The following BCAS4 variants were observed in gnomAD, a reference collection of about 807,000 sequenced individuals.
The protein encoded by BCAS4 is breast carcinoma amplified sequence 4, also known as breast carcinoma-amplified sequence 4.
A neutral mutation model predicts 15.7 loss-of-function variants in BCAS4; 9 were observed. That is an observed-to-expected ratio of 0.57 (90% CI 0.34 to 1.00). The LOEUF (loss-of-function observed/expected upper bound fraction) is 1.00, where lower values mean the gene tolerates loss of function less well. Among genes scored for constraint, BCAS4 ranks in the 50% least tolerant of loss-of-function variants. The pLI is 0.02. For synonymous variants in BCAS4, 101 were observed against 99.5 expected (o/e 1.02, Z -0.09); for missense variants, 225 against 239.1 (o/e 0.94, Z 0.39).
intron 1 of BCAS4, 115 bp from the exon 2 acceptor site, chr20:50,818,096 G>C (rs2088162635): frequency 1.1e-6 from 1 of 937,808 alleles, no homozygotes; most frequent in South Asian, 1.5e-5. Flanking sequence ...GGGTCGAGCA[G>C]GAACCGGGCA....
intron 4 of BCAS4, among the ~76,000 whole-genome samples, chr20:50,870,907 G>A (rs1297371870): frequency 6.6e-6 from 1 of 152,172 alleles, no homozygotes; most frequent in African/African-American, 2.4e-5. Flanking sequence ...GGTGGGCTGC[G>A]GAGGAGCTCA....
chr20:50,855,748 G>A (rs1183053567), intron 4 of BCAS4, among the ~76,000 whole-genome samples: 11 of 152,182 alleles, frequency 7.2e-5, no homozygotes, highest in African/African-American at 2.2e-4. Flanking sequence ...CCCCAGGGAC[G>A]CTTTTGACTG....
chr20:50,834,948 T>C (rs751575049), intron 3 of BCAS4, among the ~76,000 whole-genome samples: 1 of 152,240 alleles, frequency 6.6e-6, no homozygotes, highest in East Asian at 1.9e-4. Flanking sequence ...CATTTGTCCA[T>C]GCATTAGCTG....
intron 1 of BCAS4, among the ~76,000 whole-genome samples, chr20:50,815,988 A>G (rs1341822562): frequency 6.6e-6 from 1 of 152,184 alleles, no homozygotes; most frequent in Non-Finnish European, 1.5e-5. Flanking sequence ...TAGAAGTCAT[A>G]AAAGTAGTAG....
At chr20:50,860,202 A>G (rs1978996735) in intron 4 of BCAS4, among the ~76,000 whole-genome samples, 1 of 152,174 alleles carries the variant, frequency 6.6e-6, no homozygotes, top group Non-Finnish European at 1.5e-5. Flanking sequence ...CTTCAAAACC[A>G]TAGCACAATA....
At chr20:50,799,980 G>A (rs1021896283) in intron 1 of BCAS4, among the ~76,000 whole-genome samples, 1 of 152,162 alleles carries the variant, frequency 6.6e-6, no homozygotes, top group African/African-American at 2.4e-5. Flanking sequence ...TCTGGGAGGT[G>A]GAGGTTGCAG....
chr20:50,850,205 A>G (rs1978337482), intron 4 of BCAS4, among the ~76,000 whole-genome samples: 2 of 152,238 alleles, frequency 1.3e-5, no homozygotes, highest in Admixed American at 6.5e-5. Context: ...CCTACTGTAT[A>G]CGAAGGGCTT....
At chr20:50,798,914 C>T (rs1391260203) in intron 1 of BCAS4, among the ~76,000 whole-genome samples, 5 of 152,194 alleles carry the variant, frequency 3.3e-5, no homozygotes, top group African/African-American at 4.8e-5. Context: ...CAGAGGCTCT[C>T]ATGGCATAAA....
At chr20:50,873,277 C>G (rs925752945) in intron 4 of BCAS4, among the ~76,000 whole-genome samples, 13 of 152,186 alleles carry the variant, frequency 8.5e-5, no homozygotes, top group African/African-American at 3.1e-4. Context: ...CTGCACAGAA[C>G]CATTTCAAAA....
chr20:50,851,042 C>T lies in BCAS4; in HGVS notation c.399+9142C>T, dbSNP rs976048697. On this transcript the variant is annotated intron_variant, in intron 4 of 4. Coordinates refer to ENST00000371608, the MANE Select transcript of BCAS4 (RefSeq NM_198799.4). The surrounding 1 kb of genome is among the most constrained non-coding windows in gnomAD (Gnocchi z 4.3). ...CCCCCCAGCTCCCGCCCCTTGCCTCCTCTCCCCTTCCTGTCCAGCCCTGCA... is the reference window on the plus strand; with the variant it reads ...CCCCCCAGCTCCCGCCCCTTGCCTCTTCTCCCCTTCCTGTCCAGCCCTGCA... Among the ~76,000 whole-genome samples, 4 of 145,040 alleles carry T rather than the reference C, an allele frequency of 2.8e-5. No homozygotes were observed. Among genetic ancestry groups the T allele is most frequent in the African/African-American group, 1.0e-4 (4 of 38,686 alleles).
At chr20:50,800,384 T>C (rs1001769570) in intron 1 of BCAS4, among the ~76,000 whole-genome samples, 4 of 151,508 alleles carry the variant, frequency 2.6e-5, no homozygotes, top group African/African-American at 9.7e-5. Context: ...CAGCAGGAGA[T>C]GGGGCAAGTG....
At chr20:50,828,728 G>A (rs891377110) in intron 2 of BCAS4, among the ~76,000 whole-genome samples, 1 of 152,162 alleles carries the variant, frequency 6.6e-6, no homozygotes, top group Admixed American at 6.5e-5. Flanking sequence ...ACAGTGAGCT[G>A]AGATTGTGCC....
intron 4 of BCAS4, among the ~76,000 whole-genome samples, chr20:50,850,961 G>A (rs1027730967): frequency 1.4e-4 from 21 of 152,132 alleles, no homozygotes; most frequent in African/African-American, 3.1e-4. Context: ...TGCCCTGCCC[G>A]GGCTGCCTGT....
chr20:50,871,685 ACT>A (rs1286535795), intron 4 of BCAS4, among the ~76,000 whole-genome samples: 9 of 152,114 alleles, frequency 5.9e-5, no homozygotes, highest in African/African-American at 2.2e-4. Flanking sequence ...GCGTCTTCTA[ACT>A]CTGCATCCTT....
At chr20:50,815,526 G>A (rs1016459112) in intron 1 of BCAS4, among the ~76,000 whole-genome samples, 4 of 152,100 alleles carry the variant, frequency 2.6e-5, no homozygotes, top group African/African-American at 9.7e-5. Context: ...CCCTTAGTGC[G>A]ATAATGACAT....
At chr20:50,825,268 G>C (rs1007483102) in intron 2 of BCAS4, among the ~76,000 whole-genome samples, 1 of 152,128 alleles carries the variant, frequency 6.6e-6, no homozygotes, top group African/African-American at 2.4e-5. Flanking sequence ...TTAAAATAGA[G>C]ATGGTGCCTC....
At chr20:50,815,900 G>A (rs2123769882) in intron 1 of BCAS4, among the ~76,000 whole-genome samples, 1 of 152,302 alleles carries the variant, frequency 6.6e-6, no homozygotes, top group East Asian at 1.9e-4. Flanking sequence ...GGCCTGGTAG[G>A]GAAAGCAGAT....
At chr20:50,802,583 C>A (rs1167698016) in intron 1 of BCAS4, among the ~76,000 whole-genome samples, 2 of 152,178 alleles carry the variant, frequency 1.3e-5, no homozygotes, top group African/African-American at 4.8e-5. Flanking sequence ...TTAAAACAAA[C>A]ACGTTAGGCC....
intron 2 of BCAS4, among the ~76,000 whole-genome samples, chr20:50,828,909 C>A (rs12185794): frequency 3.9e-5 from 6 of 152,080 alleles, no homozygotes; most frequent in Non-Finnish European, 7.4e-5. Flanking sequence ...TCCACGCCAG[C>A]ATTGTGCTAA....
Sources: allele counts gnomAD v4.1 joint callset (sites outside exome capture counted in the v4.1 genomes callset), GRCh38; gene constraint gnomAD v4.1.1; non-coding constraint Gnocchi (gnomAD v3.1); transcripts MANE v1.5; gene names NCBI Gene and HGNC (gene_info 2026-07-23, HGNC 2026-07-21).